Variants in SND1 observed in about 807,000 individuals in gnomAD.
SND1 encodes the protein staphylococcal nuclease and tudor domain containing 1.
Under a neutral mutation model 121.7 loss-of-function variants are expected in SND1, and 38 were observed. The ratio of observed to expected loss-of-function variants is 0.31; its 90% CI spans 0.24 to 0.41. SND1 has a LOEUF of 0.41. Among genes scored for constraint, SND1 ranks in the 10% least tolerant of loss-of-function variants. The pLI, the probability that SND1 is intolerant of heterozygous loss-of-function variation, is 1.00. For synonymous variants in SND1, 401 were observed against 447.4 expected, an observed-to-expected ratio of 0.90 and a Z score of 1.31; for missense variants, 868 against 1,184.6, an observed-to-expected ratio of 0.73 and a Z score of 3.92.
At chr7:128,034,198 G>T (rs1451012216) in intron 16 of SND1, among the ~76,000 whole-genome samples, 1 of 152,182 alleles carries the variant, frequency 6.6e-6, no homozygotes, top group East Asian at 1.9e-4. Context: ...AAGTGGAGGG[G>T]GGAGGAGAGA....
intron 16 of SND1, chr7:128,028,505 A>G: frequency 3.1e-6 from 2 of 647,278 alleles, no homozygotes; most frequent in Non-Finnish European, 2.5e-6. Flanking sequence ...AAGTTAGAAA[A>G]TATTTTTGTT....
chr7:127,831,991 A>G (rs1798750137), intron 11 of SND1, among the ~76,000 whole-genome samples: 1 of 152,186 alleles, frequency 6.6e-6, no homozygotes, highest in African/African-American at 2.4e-5. Flanking sequence ...TTCCCCTAAA[A>G]GGATTACATC....
chr7:127,735,527 A>G (rs1796759918), intron 10 of SND1, among the ~76,000 whole-genome samples: 1 of 152,186 alleles, frequency 6.6e-6, no homozygotes, highest in South Asian at 2.1e-4. Context: ...AGCCCTGGCA[A>G]CATAGTGAGA....
At chr7:127,901,601 C>T (rs1473594137) in intron 13 of SND1, among the ~76,000 whole-genome samples, 3 of 152,108 alleles carry the variant, frequency 2.0e-5, no homozygotes, top group Admixed American at 6.5e-5. Flanking sequence ...TAGTGTGCTA[C>T]TAAGAGGCTA....
chr7:127,856,525 C>T (rs1799277216), intron 12 of SND1, among the ~76,000 whole-genome samples: 1 of 152,082 alleles, frequency 6.6e-6, no homozygotes, highest in African/African-American at 2.4e-5. Context: ...GCAAATATTG[C>T]GATCTTGGAG....
At position 127,652,394 on chromosome 7, in the gene SND1, C is replaced by T. The variant is rs555253881; in HGVS notation, c.21C>T (p.Ser7=). 1.4e-5 allele frequency: 22 copies of T among 1,598,718 alleles called. No homozygotes were observed. In the East Asian group the frequency reaches 3.8e-4, roughly 28 times the overall value. MASSAQ[S]GGSSGGPAVP... is the part of the protein sequence containing the mutation. Reference sequence around the variant, plus strand: ...CACACATGGCGTCCTCCGCGCAGAGCGGCGGCTCCTCCGGGGGACCCGCGG... The same window carrying T: ...CACACATGGCGTCCTCCGCGCAGAGTGGCGGCTCCTCCGGGGGACCCGCGG... The change falls in exon 1 of 24, where the codon AGC becomes AGT. Residue 7 remains serine (S), a synonymous_variant. Transcript: ENST00000354725.
At chr7:128,072,001 G>T (rs1793421282) in intron 16 of SND1, among the ~76,000 whole-genome samples, 1 of 152,232 alleles carries the variant, frequency 6.6e-6, no homozygotes, top group Non-Finnish European at 1.5e-5. Flanking sequence ...CACCTGCGCA[G>T]GAGAGCCCGG....
intron 13 of SND1, among the ~76,000 whole-genome samples, chr7:127,903,832 A>C (rs1399843988): frequency 1.3e-5 from 2 of 152,162 alleles, no homozygotes; most frequent in Non-Finnish European, 2.9e-5. Flanking sequence ...CAGCTTTCTC[A>C]ACACTTCCTC....
chr7:128,032,692 G>C (rs1016586133), intron 16 of SND1, among the ~76,000 whole-genome samples: 4 of 152,172 alleles, frequency 2.6e-5, no homozygotes, highest in African/African-American at 9.6e-5. Context: ...CTCGCGTTCG[G>C]AGTTCGGAAC....
intron 11 of SND1, among the ~76,000 whole-genome samples, chr7:127,819,847 G>A (rs1798515640): frequency 6.6e-6 from 1 of 152,200 alleles, no homozygotes; most frequent in Non-Finnish European, 1.5e-5. Flanking sequence ...GATGAATACT[G>A]ATGTGATGGC....
chr7:127,927,833 A>G (rs1800872344), intron 14 of SND1, among the ~76,000 whole-genome samples: 1 of 152,160 alleles, frequency 6.6e-6, no homozygotes. Context: ...ATTTAAATAA[A>G]ATAGCTCTGT....
intron 12 of SND1, among the ~76,000 whole-genome samples, chr7:127,880,022 A>G (rs953582286): frequency 6.6e-6 from 1 of 152,218 alleles, no homozygotes; most frequent in African/African-American, 2.4e-5. Context: ...CCACAGTCTG[A>G]AAATATTAAA....
chr7:127,933,889 C>T (rs900232899), intron 15 of SND1, among the ~76,000 whole-genome samples: 1 of 152,226 alleles, frequency 6.6e-6, no homozygotes, highest in Admixed American at 6.5e-5. Context: ...CCTGGCTTTT[C>T]CCTCTGAGAC....
At chr7:127,893,867 A>T (rs1800063250) in intron 13 of SND1, among the ~76,000 whole-genome samples, 4 of 151,976 alleles carry the variant, frequency 2.6e-5, no homozygotes, top group Admixed American at 2.6e-4. Context: ...TGATTCAGCA[A>T]ACCCTCTTTC....
chr7:127,990,090 A>C (rs571757332), intron 15 of SND1, among the ~76,000 whole-genome samples: 5 of 152,312 alleles, frequency 3.3e-5, no homozygotes, highest in African/African-American at 1.2e-4. Flanking sequence ...GGAATTGCTA[A>C]GAGTGATAAT....
rs1793599037 is a variant in SND1 at position 128,081,355 on chromosome 7, T to C, written c.1969-5T>C. On this transcript the variant is annotated splice_polypyrimidine_tract_variant and splice_region_variant and intron_variant, in intron 17 of 23. Transcript: ENST00000354725. ...TCTTCTCACCTCTGCCGACTGAACA[T>C]GCAGGTCTGGGCCCACTATGAGGAG... The C allele has an allele frequency of 6.2e-7, 1 of 1,613,942 alleles. No homozygotes were observed. The highest frequency in any genetic ancestry group is 1.3e-5 in the African/African-American group (1 of 74,932).
intron 9 of SND1, among the ~76,000 whole-genome samples, chr7:127,717,894 T>C (rs149469797): frequency 8.0e-4 from 122 of 152,306 alleles, no homozygotes; most frequent in African/African-American, 2.9e-3. Flanking sequence ...AGCAGCCCGT[T>C]GCACCCAGTG....
intron 16 of SND1, among the ~76,000 whole-genome samples, chr7:127,995,365 ACTCTTTAAGGCAGTTCCCTGC>A (rs1465947986): frequency 6.6e-6 from 1 of 152,118 alleles, no homozygotes; most frequent in African/African-American, 2.4e-5. Flanking sequence ...CATACAGCTG[ACTCTTTAAGGCAGTTCCCTGC>A]CACACAGTCA....
At chr7:127,970,253 C>G (rs1316453637) in intron 15 of SND1, among the ~76,000 whole-genome samples, 1 of 152,146 alleles carries the variant, frequency 6.6e-6, no homozygotes, top group Non-Finnish European at 1.5e-5. Context: ...AAAGTTCATT[C>G]AACCTGAACT....
Sources: gnomAD v4.1 joint callset for allele counts (sites outside exome capture counted in the v4.1 genomes callset) on GRCh38, gnomAD v4.1.1 for gene constraint, MANE v1.5 for transcripts, NCBI Gene and HGNC (gene_info 2026-07-23, HGNC 2026-07-21) for gene names.